MDGA1: variants seen among roughly 807,000 people sequenced by gnomAD.
MDGA1 encodes the protein MAM domain containing glycosylphosphatidylinositol anchor 1.
A neutral mutation model predicts 101.5 loss-of-function variants in MDGA1; 54 were observed. The observed-to-expected ratio is 0.53, with a 90% confidence interval of 0.43 to 0.67. The LOEUF is 0.67. Ranked by LOEUF, MDGA1 falls within the 30% of genes least tolerant of loss-of-function variation. The pLI, the probability that MDGA1 is intolerant of heterozygous loss-of-function variation, is 0.00. For synonymous variants in MDGA1, 533 were observed against 558.3 expected, an observed-to-expected ratio of 0.95 and a Z score of 0.64; for missense variants, 1,083 against 1,323.8, an observed-to-expected ratio of 0.82 and a Z score of 2.82.
At position 37,668,573 on chromosome 6, in the gene MDGA1, T is replaced by A. The variant is rs941304401; in HGVS notation, c.68-4467A>T. Among the ~76,000 whole-genome samples the A allele has an allele frequency of 3.9e-5, 6 of 152,172 alleles. No homozygotes were observed. The East Asian group carries it at 1.2e-3, about 29-fold the overall frequency. ...TCTTCATACAAAGGAATATTCCCCG[T>A]TAAGTGAAAAAGGTGAACTATAGAT... On this transcript the variant is annotated intron_variant, in intron 1 of 16. Coordinates refer to ENST00000434837, the MANE Select transcript of MDGA1 (RefSeq NM_153487.4).
Position 37,638,783 on chromosome 6 carries a change from G to T in MDGA1, c.2537-116C>A. ...CCTGCAGCCCTGTCCCTGTTGACAG[G>T]ACCTCCTCCCCATGCCCAGCTGGGT... On this transcript the variant is annotated intron_variant, in intron 14 of 16. Transcript: ENST00000434837. The surrounding 1 kb of genome is among the most constrained non-coding windows in gnomAD (Gnocchi z 4.8). 1 of 1,392,464 alleles carries T rather than the reference G, an allele frequency of 7.2e-7. No homozygotes were observed. Among genetic ancestry groups the T allele is most frequent in the Non-Finnish European group, 9.7e-7 (1 of 1,029,588 alleles). 86.3% of individuals were successfully genotyped at this position (1,392,464 alleles called of 1,614,324 possible).
At position 37,643,949 on chromosome 6, in the gene MDGA1, G is replaced by A. The variant is rs1764156884; in HGVS notation, c.2402-6C>T. 6.2e-7 allele frequency: 1 copy of A among 1,613,442 alleles called. No individual in the cohort carries two copies. The highest frequency in any genetic ancestry group is 1.3e-5 in the African/African-American group (1 of 75,002). On this transcript the variant is annotated splice_region_variant and splice_polypyrimidine_tract_variant and intron_variant, in intron 13 of 16. Transcript: ENST00000434837. ...CTCGATGAACATGTAGTAGCCTGCG[G>A]GGAATGGGGAGATGCGCCAACAGCC...
rs186204188 is a variant in MDGA1, at chr6:37,655,093, C to G, written c.580-161G>C. On this transcript the variant is annotated intron_variant, in intron 4 of 16. Transcript: ENST00000434837. The surrounding 1 kb of genome is among the most constrained non-coding windows in gnomAD (Gnocchi z 5.1). ...CCATTTAGCCCCAGGGGTCCTGAGC[C>G]TGGGGTGGATGCTACACTCTCCATA... 745 of 824,064 alleles carry G rather than the reference C, an allele frequency of 9.0e-4. 5 individuals are homozygous for G. The African/African-American group carries it at 0.012, about 13-fold the overall frequency. The allele number at this position is 824,064 out of a possible 1,614,324, so 51.0% of individuals were successfully genotyped here.
Position 37,651,044 on chromosome 6 carries a change from A to T in MDGA1, c.1313-639T>A, listed in dbSNP as rs116192533. 3.6e-3 allele frequency among the ~76,000 whole-genome samples: 550 copies of T among 152,372 alleles called. 4 individuals carry two copies. Among genetic ancestry groups the T allele is most frequent in the Middle Eastern group, 0.014 (4 of 294 alleles). On this transcript the variant is annotated intron_variant, in intron 7 of 16. Coordinates refer to ENST00000434837, the MANE Select transcript of MDGA1 (RefSeq NM_153487.4). ...AATGGCTGCAGCTGGAACTGCCATC[A>T]TGGGCAACGTGGCACATGCTAAGGA...
rs949129875 is a variant in MDGA1, at chr6:37,664,006, G to A, written c.168C>T (p.Leu56=). ...RVYTIREGDT[L]MLQCLVTGHP... ...GCCCTGTTACAAGGCACTGCAGCAT[G>A]AGGGTGTCCCCCTCCCGGATGGTGT... Residue 56 remains leucine, a synonymous_variant, in exon 2 of 17, where the codon CTC becomes CTT. Transcript: ENST00000434837. 2.5e-6 allele frequency: 4 copies of A among 1,613,872 alleles called. No homozygotes were observed. The highest frequency in any genetic ancestry group is 1.3e-5 in the African/African-American group (1 of 74,932).
intron 13 of MDGA1, among the ~76,000 whole-genome samples, 178 bp from the exon 14 acceptor site, chr6:37,644,121 G>T: frequency 3.1e-5 from 1 of 31,786 alleles, no homozygotes; most frequent in South Asian, 2.0e-3. Context: ...CACGCATCCT[G>T]CCTCACCCCC....
At chr6:37,651,791 AGCTCTATGAGG>A (rs1561845602) in intron 7 of MDGA1, among the ~76,000 whole-genome samples, 1 of 152,156 alleles carries the variant, frequency 6.6e-6, no homozygotes, top group Non-Finnish European at 1.5e-5. Flanking sequence ...TTTCCTCCTA[AGCTCTATGAGG>A]GCAGAGCCTG....
At chr6:37,639,179 T>C (rs1764006467) in intron 14 of MDGA1, 1 of 157,606 alleles carries the variant, frequency 6.3e-6, no homozygotes, top group Admixed American at 6.0e-5. Flanking sequence ...TAATACCCAG[T>C]TGGCAAGAGG....
At chr6:37,663,696 T>C (rs1380840321) in intron 2 of MDGA1, among the ~76,000 whole-genome samples, 1 of 152,232 alleles carries the variant, frequency 6.6e-6, no homozygotes, top group East Asian at 1.9e-4. Context: ...ATGTGTCTGC[T>C]CAACAGATCC....
At chr6:37,644,050 G>GCCCCATGCATCCTGCCTCA in intron 13 of MDGA1, 107 bp from the exon 14 acceptor site, 1 of 1,413,412 alleles carries the variant, frequency 7.1e-7, no homozygotes, top group South Asian at 1.4e-5. Flanking sequence ...GAAGTGCCTC[G>GCCCCATGCATCCTGCCTCA]CCCCACGCAT....
chr6:37,689,582 G>C (rs906025639), intron 1 of MDGA1, among the ~76,000 whole-genome samples: 89 of 152,108 alleles, frequency 5.9e-4, no homozygotes, highest in African/African-American at 2.1e-3. Context: ...TTAGAAAGCA[G>C]ATGTAACTTC....
At chr6:37,685,254 TG>T (rs2114099616) in intron 1 of MDGA1, among the ~76,000 whole-genome samples, 1 of 151,708 alleles carries the variant, frequency 6.6e-6, no homozygotes, top group East Asian at 1.9e-4. Flanking sequence ...ATGGTGCCAC[TG>T]CACTCCAGCC....
In MDGA1 at chr6:37,643,737, CT is replaced by C. The variant is rs1764148230; in HGVS notation, c.2536+71del. 17 of 1,588,862 alleles carry C rather than the reference CT, an allele frequency of 1.1e-5. No homozygotes were observed. In the South Asian group the frequency reaches 2.0e-4, roughly 18 times the overall value. ...GGCCTCACATGGGCCAGCCCATCGC[CT>C]CCTGTGGACCCCACTCCCCTCCCAT... is the stretch of plus-strand genomic sequence containing the variant. On this transcript the variant is annotated intron_variant, in intron 14 of 16. Transcript: ENST00000434837.
At chr6:37,671,524 C>T (rs1761868486) in intron 1 of MDGA1, among the ~76,000 whole-genome samples, 2 of 152,190 alleles carry the variant, frequency 1.3e-5, no homozygotes, top group African/African-American at 4.8e-5. Flanking sequence ...ACAGCCGAGG[C>T]AGAATGCTGC....
Position 37,635,695 on chromosome 6 carries a change from A to C in MDGA1, c.*1673T>G. The C allele has an allele frequency of 2.5e-6, 1 of 398,674 alleles. No individual in the cohort carries two copies. The highest frequency in any genetic ancestry group is 4.4e-6 in the Non-Finnish European group (1 of 226,084). The allele number at this position is 398,674 out of a possible 1,614,324, so 24.7% of individuals were successfully genotyped here. ...CAGCTGTCCCCACCAAATGCTCCAG[A>C]AGGAGCCCTGTGATGCTCCTCACCA... On this transcript the variant is annotated 3_prime_UTR_variant, in exon 17 of 17. Transcript: ENST00000434837.
At chr6:37,656,149 C>T (rs1761482685) in intron 3 of MDGA1, among the ~76,000 whole-genome samples, 1 of 150,618 alleles carries the variant, frequency 6.6e-6, no homozygotes, top group Non-Finnish European at 1.5e-5. Flanking sequence ...ACAATCTTGG[C>T]TCACTGCAAC....
Position 37,658,290 on chromosome 6 carries a change from C to A in MDGA1, c.337G>T (p.Gly113Cys). The A allele has an allele frequency of 1.2e-6, 2 of 1,610,574 alleles. No homozygotes were observed. Among genetic ancestry groups the A allele is most frequent in the Non-Finnish European group, 8.5e-7 (1 of 1,178,626 alleles). ...GGRYYCKAENGVGVPAIKSIR... is the reference protein window; with the variant it reads ...GGRYYCKAENCVGVPAIKSIR... ...GACTTGATGGCCGGCACCCCCACGC[C>A]GTTCTCAGCCTTGCAGTAGTAGCGG... The change falls in exon 3 of 17, where the codon GGC becomes TGC. Residue 113 changes from glycine to cysteine, a missense_variant. Gly to Cys is a radical substitution (Grantham distance 159). Around this residue, in one of 3 missense-constraint regions of MDGA1, gnomAD observed 310 missense variants for 355.9 expected, o/e 0.87. Coordinates refer to ENST00000434837, the MANE Select transcript of MDGA1 (RefSeq NM_153487.4).
chr6:37,646,373 C>T lies in MDGA1; in HGVS notation c.2049G>A (p.Leu683=), dbSNP rs1322202998. The change falls in exon 11 of 17, where the codon TTG becomes TTA. Residue 683 remains leucine, a splice_region_variant and synonymous_variant. Transcript: ENST00000434837. ...VLNYRLSIRQ[L]NQHNAVVKAI... is the part of the protein sequence containing the mutation. ...CCTTGACCACCGCATTGTGCTGGTTCAACTGTTAAGTACAGAGAGTTCCCA... is the reference window on the plus strand; with the variant it reads ...CCTTGACCACCGCATTGTGCTGGTTTAACTGTTAAGTACAGAGAGTTCCCA... 6.6e-7 allele frequency: 1 copy of T among 1,509,922 alleles called. No homozygotes were observed. The highest frequency in any genetic ancestry group is 8.9e-7 in the Non-Finnish European group (1 of 1,124,058). The allele number at this position is 1,509,922 out of a possible 1,614,324, so 93.5% of individuals were successfully genotyped here.
intron 8 of MDGA1, among the ~76,000 whole-genome samples, 169 bp from the exon 9 acceptor site, chr6:37,649,435 C>T (rs1761304609): frequency 6.6e-6 from 1 of 152,364 alleles, no homozygotes; most frequent in South Asian, 2.1e-4. Flanking sequence ...ACGATCTTAC[C>T]TCCCAACCTG....
Sources: allele counts gnomAD v4.1 joint callset (sites outside exome capture counted in the v4.1 genomes callset), GRCh38; gene constraint gnomAD v4.1.1; regional missense constraint gnomAD v4.1.1; non-coding constraint Gnocchi (gnomAD v3.1); transcripts MANE v1.5; gene names NCBI Gene and HGNC (gene_info 2026-07-23, HGNC 2026-07-21).